Variants in DNHD1 observed in about 807,000 individuals in gnomAD.
The protein encoded by DNHD1 is dynein heavy chain domain 1.
In DNHD1, 383 loss-of-function variants were observed where a neutral mutation model predicts 458.1. The ratio of observed to expected loss-of-function variants is 0.84; its 90% CI spans 0.77 to 0.91. The LOEUF (loss-of-function observed/expected upper bound fraction) is 0.91, where lower values mean the gene tolerates loss of function less well. DNHD1 is among the 40% of genes least tolerant of loss of function. The pLI, the probability that DNHD1 is intolerant of heterozygous loss-of-function variation, is 0.00. For synonymous variants in DNHD1, 2,203 were observed against 2,376.9 expected (o/e 0.93, Z 2.13); for missense variants, 5,336 against 5,866.1 (o/e 0.91, Z 2.95).
At chr11:6,556,439 T>A (rs1330028066) in intron 24 of DNHD1, among the ~76,000 whole-genome samples, 2 of 152,260 alleles carry the variant, frequency 1.3e-5, no homozygotes, top group Non-Finnish European at 2.9e-5. Context: ...TTATTATCAT[T>A]ATTAACCTTC....
chr11:6,527,234 C>T (rs1714122423), intron 10 of DNHD1, among the ~76,000 whole-genome samples: 1 of 152,014 alleles, frequency 6.6e-6, no homozygotes, highest in South Asian at 2.1e-4. Context: ...GGAGCAGAGA[C>T]TGTAAAGTAT....
chr11:6,521,734 G>GTTGT lies in DNHD1; in HGVS notation c.1837+1456_1837+1459dup, dbSNP rs528444621. ...AGTAATCAAAACCAAAGTTCTTTTTGTTGTTTGTTTGTTTTCAAGACAGGG... is the reference window on the plus strand; with the variant it reads ...AGTAATCAAAACCAAAGTTCTTTTTGTTGTTTGTTTGTTTGTTTTCAAGACAGGG... On this transcript the variant is annotated intron_variant, in intron 10 of 42. Transcript: ENST00000254579. Among the ~76,000 whole-genome samples the GTTGT allele has an allele frequency of 8.8e-3, 1,342 of 152,220 alleles. 19 individuals are homozygous for GTTGT. The highest frequency in any genetic ancestry group is 0.03 in the African/African-American group (1,263 of 41,542).
At chr11:6,561,332 G>C (rs553007684) in intron 28 of DNHD1, among the ~76,000 whole-genome samples, 3 of 152,314 alleles carry the variant, frequency 2.0e-5, no homozygotes, top group African/African-American at 7.2e-5. Flanking sequence ...GGAGTCTGAG[G>C]TGGGAGGATC....
chr11:6,543,862 G>A (rs760625608), intron 18 of DNHD1, among the ~76,000 whole-genome samples: 11 of 148,836 alleles, frequency 7.4e-5, no homozygotes, highest in Non-Finnish European at 1.5e-4. Context: ...TCAGGAGGCT[G>A]AGGCAGGTGA....
chr11:6,565,606 C>G (rs1158429632), intron 32 of DNHD1, 89 bp from the exon 33 acceptor site: 3 of 1,339,426 alleles, frequency 2.2e-6, no homozygotes, highest in Non-Finnish European at 3.0e-6. Flanking sequence ...CAGACCTTCC[C>G]TCATGAAATG....
At chr11:6,517,763 C>T (rs904266713) in intron 7 of DNHD1, among the ~76,000 whole-genome samples, 5 of 144,174 alleles carry the variant, frequency 3.5e-5, no homozygotes, top group Non-Finnish European at 7.5e-5. Context: ...CTCATAATAC[C>T]GTCACCTTAT....
rs748805391 is a variant in DNHD1, at chr11:6,535,835, A to G, written c.2998+1662A>G. Among the ~76,000 whole-genome samples the G allele has an allele frequency of 7.1e-4, 108 of 152,232 alleles. 2 individuals are homozygous for G. The highest frequency in any genetic ancestry group is 4.0e-4 in the Non-Finnish European group (27 of 68,024). On this transcript the variant is annotated intron_variant, in intron 14 of 42. Coordinates refer to ENST00000254579, the MANE Select transcript of DNHD1 (RefSeq NM_144666.3). ...ATAAGGATCAACAGATGCCAAATCT[A>G]GGGCAAATTTGATGAGGAGCAGAAT...
chr11:6,561,284 C>T (rs1379786285), intron 28 of DNHD1, among the ~76,000 whole-genome samples: 2 of 152,090 alleles, frequency 1.3e-5, no homozygotes, highest in African/African-American at 4.8e-5. Flanking sequence ...AAAAATTACT[C>T]AGGCATGGTA....
intron 6 of DNHD1, among the ~76,000 whole-genome samples, chr11:6,509,616 C>G (rs1434583066): frequency 6.6e-6 from 1 of 152,120 alleles, no homozygotes; most frequent in Non-Finnish European, 1.5e-5. Flanking sequence ...CTTGCACTCA[C>G]GTAATTATGT....
Position 6,557,556 on chromosome 11 carries a change from G to A in DNHD1, c.8261G>A (p.Gly2754Glu). The A allele has an allele frequency of 6.4e-7, 1 of 1,551,728 alleles. No homozygotes were observed. Among genetic ancestry groups the A allele is most frequent in the Non-Finnish European group, 8.7e-7 (1 of 1,146,998 alleles). The change falls in exon 25 of 43, where the codon GGA (glycine) becomes GAA (glutamate). Residue 2754 changes from glycine to glutamate, a missense_variant. Gly to Glu is a moderately conservative substitution (Grantham distance 98). This residue lies in a region of DNHD1 where 3,932 missense variants were observed against 4,365.6 expected (regional missense o/e 0.90). Transcript: ENST00000254579. ...GATCCAAGTCTAACACCATCCATAG[G>A]ACCAGTAAGCAGGGGGATGAAGGAA... The part of the protein sequence containing the change: ...SRDPSLTPSI[G>E]PVSRGMKESI...
intron 3 of DNHD1, 94 bp from the exon 4 acceptor site, chr11:6,502,659 G>C (rs1368140811): frequency 1.6e-6 from 2 of 1,221,446 alleles, no homozygotes; most frequent in East Asian, 2.6e-5. Context: ...ACCTGATCTA[G>C]TCCTCCTTTC....
rs200153726 is a variant in DNHD1 at position 6,498,473 on chromosome 11, A to G, written c.258A>G (p.Ala86=). ...CTGCAGCTTGGCGCTATCTTCATGC[A>G]GTACTGGGTCTACTGCCTCCATATC... ...SSPAAWRYLH[A]VLGLLPPYRE... is the part of the protein sequence containing the mutation. Residue 86 remains alanine, a synonymous_variant, in exon 3 of 43, where the codon GCA becomes GCG. Transcript: ENST00000254579. 2 of 1,614,218 alleles carry G rather than the reference A, an allele frequency of 1.2e-6. No homozygotes were observed. The highest frequency in any genetic ancestry group is 2.2e-5 in the East Asian group (1 of 44,882).
chr11:6,555,688 C>CA (rs1005212806), intron 24 of DNHD1, among the ~76,000 whole-genome samples: 62 of 152,304 alleles, frequency 4.1e-4, no homozygotes, highest in Middle Eastern at 3.4e-3. Flanking sequence ...AGAAGATAGA[C>CA]ATGATCAAGT....
intron 10 of DNHD1, among the ~76,000 whole-genome samples, chr11:6,524,708 G>A (rs1374801132): frequency 6.6e-6 from 1 of 152,156 alleles, no homozygotes; most frequent in East Asian, 1.9e-4. Flanking sequence ...TGGTGGGGGA[G>A]GTTGCAGTCT....
At chr11:6,515,221 G>C (rs960840857) in intron 7 of DNHD1, among the ~76,000 whole-genome samples, 1 of 152,164 alleles carries the variant, frequency 6.6e-6, no homozygotes, top group Admixed American at 6.5e-5. Flanking sequence ...GTATATGTCA[G>C]TATGTTTTTT....
rs777953084 is a variant in DNHD1 at position 6,570,783 on chromosome 11, G to C, written c.13271G>C (p.Trp4424Ser). ...GCGCTGCAGCGGAGTTCACCCGTGTGGGTTCCTGAGTCTCGAAGAGGCGCC... is the reference window on the plus strand; with the variant it reads ...GCGCTGCAGCGGAGTTCACCCGTGTCGGTTCCTGAGTCTCGAAGAGGCGCC... ...LSALQRSSPV[W>S]VPESRRGAQL... The change falls in exon 42 of 43, where the codon TGG becomes TCG. Residue 4424 changes from tryptophan to serine, a missense_variant. By Grantham distance (177) the Trp-to-Ser change is radical. Transcript: ENST00000254579. 6.2e-7 allele frequency: 1 copy of C among 1,613,450 alleles called. No individual in the cohort carries two copies. The highest frequency in any genetic ancestry group is 8.5e-7 in the Non-Finnish European group (1 of 1,179,662).
intron 28 of DNHD1, among the ~76,000 whole-genome samples, chr11:6,561,513 T>C (rs1366770135): frequency 3.3e-5 from 5 of 152,174 alleles, no homozygotes; most frequent in Non-Finnish European, 7.3e-5. Flanking sequence ...ATGGTGCTTA[T>C]AGTTTAGCAG....
rs543388211 is a variant in DNHD1, at chr11:6,563,856, C to A, written c.10016C>A (p.Ala3339Glu). Residue 3339 changes from alanine (A) to glutamate (E), a missense_variant, in exon 31 of 43, where the codon GCG becomes GAG. Ala to Glu is a moderately radical substitution (Grantham distance 107). Around this residue, in one of 4 missense-constraint regions of DNHD1, gnomAD observed 3,932 missense variants for 4,365.6 expected, o/e 0.90. Transcript: ENST00000254579. ...TGGGCTGTTCTGCACTATGGGCTGG[C>A]GCATTGCCGGGGACTGCCCACGGAC... is the stretch of plus-strand genomic sequence containing the variant. ...WLWAVLHYGL[A>E]HCRGLPTDLL... 1 of 1,551,630 alleles carries A rather than the reference C, an allele frequency of 6.4e-7. No homozygotes were observed. Among genetic ancestry groups the A allele is most frequent in the East Asian group, 2.4e-5 (1 of 40,924 alleles).
chr11:6,553,227 G>GC (rs961462334), intron 24 of DNHD1, among the ~76,000 whole-genome samples: 1 of 152,146 alleles, frequency 6.6e-6, no homozygotes, highest in African/African-American at 2.4e-5. Context: ...AATCAGTGTA[G>GC]CTCACATTAA....
Sources: allele counts gnomAD v4.1 joint callset (sites outside exome capture counted in the v4.1 genomes callset), GRCh38; gene constraint gnomAD v4.1.1; regional missense constraint gnomAD v4.1.1; transcripts MANE v1.5; gene names NCBI Gene and HGNC (gene_info 2026-07-23, HGNC 2026-07-21).